The following ALPG variants were observed in gnomAD, a reference collection of about 807,000 sequenced individuals.
ALPG encodes the protein alkaline phosphatase, germ cell.
A neutral mutation model predicts 48.6 loss-of-function variants in ALPG; 32 were observed. The observed-to-expected ratio is 0.66, with a 90% CI of 0.50 to 0.88. The LOEUF is 0.88. Among genes scored for constraint, ALPG ranks in the 40% least tolerant of loss-of-function variants. The pLI, the probability that ALPG is intolerant of heterozygous loss-of-function variation, is 0.00. For synonymous variants in ALPG, 244 were observed against 308.9 expected (o/e 0.79, Z 2.20); for missense variants, 533 against 718.1 (o/e 0.74, Z 2.95).
In ALPG at chr2:232,410,157, C is replaced by G; in HGVS notation, c.*285C>G. On this transcript the variant is annotated 3_prime_UTR_variant, in exon 11 of 11. Transcript: ENST00000295453. ...AAAAGAGGAGGCTCAGACCATCCAG[C>G]CCCCGCCCATATCCTGAGGTGGATC... 1.8e-6 allele frequency: 1 copy of G among 555,104 alleles called. No homozygotes were observed. Among genetic ancestry groups the G allele is most frequent in the South Asian group, 2.2e-5 (1 of 44,858 alleles). 34.4% of individuals were successfully genotyped at this position (555,104 alleles called of 1,614,324 possible).
Position 232,406,870 on chromosome 2 carries a change from C to CG in ALPG, c.-24dup. The CG allele has an allele frequency of 6.2e-7, 1 of 1,600,822 alleles. No homozygotes were observed. Among genetic ancestry groups the CG allele is most frequent in the African/African-American group, 1.3e-5 (1 of 74,728 alleles). ...TACTCCATACCTGGGATTTCCGCCT[C>CG]GCCGCTCTCCGACTGCTTCCAGACA... On this transcript the variant is annotated 5_prime_UTR_variant, in exon 1 of 11. Transcript: ENST00000295453.
In ALPG at chr2:232,408,371, T is replaced by A. The variant is rs1697129206; in HGVS notation, c.753T>A (p.Asn251Lys). ...GTGGGACCAGGCTGGACGGGAAGAA[T>A]CTGGTGCAGGAATGGCTGGCGAAGC... ...SQGGTRLDGKNLVQEWLAKHQ... is the reference protein window; with the variant it reads ...SQGGTRLDGKKLVQEWLAKHQ... The change falls in exon 6 of 11, where the codon AAT becomes AAA. Residue 251 changes from asparagine (N) to lysine (K), a missense_variant. Around this residue, in one of 6 missense-constraint regions of ALPG, gnomAD observed 40 missense variants for 74.5 expected, o/e 0.54. Transcript: ENST00000295453. 6.2e-7 allele frequency: 1 copy of A among 1,606,444 alleles called. No individual in the cohort carries two copies. The highest frequency in any genetic ancestry group is 8.5e-7 in the Non-Finnish European group (1 of 1,176,520).
rs562795167 is a variant in ALPG at position 232,407,113 on chromosome 2, G to A, written c.124G>A (p.Ala42Thr). The A allele has an allele frequency of 1.5e-5, 24 of 1,613,910 alleles. No individual in the cohort carries two copies. The highest frequency in any genetic ancestry group is 8.3e-5 in the Admixed American group (5 of 60,008). The change falls in exon 2 of 11, where the codon GCC becomes ACC. Residue 42 changes from alanine (A) to threonine (T), a missense_variant. This residue lies in a region of ALPG where 315 missense variants were observed against 305.8 expected (regional missense o/e 1.03). Coordinates refer to ENST00000295453, the MANE Select transcript of ALPG (RefSeq NM_031313.3). ...CCAGGCAGCCGAGGCCCTGGGTGCC[G>A]CCAAGAAGCTGCAGCCTGCACAGAC... ...NRQAAEALGA[A>T]KKLQPAQTAA...
At position 232,409,877 on chromosome 2, in the gene ALPG, C is replaced by G. The variant is rs111875431; in HGVS notation, c.*5C>G. 23 of 1,555,554 alleles carry G rather than the reference C, an allele frequency of 1.5e-5. 2 individuals are homozygous for G. In the African/African-American group the frequency reaches 1.8e-4, roughly 12 times the overall value. On this transcript the variant is annotated 3_prime_UTR_variant, in exon 11 of 11. Coordinates refer to ENST00000295453, the MANE Select transcript of ALPG (RefSeq NM_031313.3). ...GGGACGGCCACTGCTCCCTGAGTGT[C>G]CCGTCCCTGGGGCTCCTGCTTCCCC...
rs143390241 is a variant in ALPG at position 232,408,381 on chromosome 2, G to C, written c.763G>C (p.Glu255Gln). ...GCTGGACGGGAAGAATCTGGTGCAG[G>C]AATGGCTGGCGAAGCACCAGGTGAT... Reference protein sequence around the residue: ...TRLDGKNLVQEWLAKHQGARY... With the variant: ...TRLDGKNLVQQWLAKHQGARY... Residue 255 changes from glutamate (E) to glutamine (Q), a missense_variant, in exon 6 of 11, where the codon GAA (glutamate) becomes CAA (glutamine). By Grantham distance (29) the Glu-to-Gln change is conservative. Transcript: ENST00000295453. The C allele has an allele frequency of 7.5e-6, 12 of 1,599,218 alleles. No individual in the cohort carries two copies. In the African/African-American group the frequency reaches 1.5e-4, roughly 20 times the overall value.
rs754089791 is a variant in ALPG, at chr2:232,408,577, A to T, written c.856+4A>T. On this transcript the variant is annotated splice_donor_region_variant and intron_variant, in intron 7 of 10. Transcript: ENST00000295453. The stretch of plus-strand genomic sequence containing the variant: ...CCGTCTGTGACCCATCTCATGGGTA[A>T]TGACCCCCTTCCTGCCCTGGCATCC... The T allele has an allele frequency of 6.4e-7, 1 of 1,555,498 alleles. No individual in the cohort carries two copies. The highest frequency in any genetic ancestry group is 8.8e-7 in the Non-Finnish European group (1 of 1,136,496).
chr2:232,408,435 AG>A, intron 6 of ALPG, 34 bp downstream of exon 6: 1 of 1,449,208 alleles, frequency 6.9e-7, no homozygotes, highest in Non-Finnish European at 9.5e-7. Flanking sequence ...TGGGCACAGC[AG>A]GGGGAGGGCA....
chr2:232,408,498 C>G lies in ALPG; in HGVS notation c.784-3C>G, dbSNP rs1197851705. The G allele has an allele frequency of 1.9e-6, 3 of 1,594,330 alleles. No homozygotes were observed. Among genetic ancestry groups the G allele is most frequent in the Admixed American group, 1.7e-5 (1 of 58,974 alleles). On this transcript the variant is annotated splice_region_variant and splice_polypyrimidine_tract_variant and intron_variant, in intron 6 of 10. Coordinates refer to ENST00000295453, the MANE Select transcript of ALPG (RefSeq NM_031313.3). Reference sequence around the variant, plus strand: ...TGAGGCCTGGCTCTCTCCCTCCCCGCAGGGTGCCCGGTACGTGTGGAACCG... The same window carrying G: ...TGAGGCCTGGCTCTCTCCCTCCCCGGAGGGTGCCCGGTACGTGTGGAACCG...
Position 232,408,011 on chromosome 2 carries a change from CA to C in ALPG, c.643del (p.Ile215LeufsTer3), listed in dbSNP as rs756185433. The C allele has an allele frequency of 5.0e-6, 8 of 1,609,652 alleles. No homozygotes were observed. In the South Asian group the frequency reaches 8.9e-5, roughly 18 times the overall value. ...IATQLISNMDIDVILGGGRKY... is the reference protein window; with the variant it reads ...IATQLISNMDXDVILGGGRKY... The stretch of plus-strand genomic sequence containing the variant: ...CCACGCAGCTCATCTCCAACATGGA[CA>C]TTGATGTGCGACCCCCGGGCCAAGG... On this transcript the variant is annotated frameshift_variant, in exon 5 of 11. Transcript: ENST00000295453. LOFTEE classifies it high-confidence loss of function.
rs201503000 is a variant in ALPG, at chr2:232,407,696, G to A, written c.403G>A (p.Ala135Thr). 1.8e-4 allele frequency: 292 copies of A among 1,613,716 alleles called. No individual in the cohort carries two copies. Among genetic ancestry groups the A allele is most frequent in the Middle Eastern group, 3.3e-4 (2 of 6,060 alleles). ...NFQTIGLSAA[A>T]RFNQCNTTRG... is the part of the protein sequence containing the mutation. Reference sequence around the variant, plus strand: ...CCAGACCATTGGCTTGAGTGCAGCCGCCCGCTTTAACCAGTGCAACACGAC... The same window carrying A: ...CCAGACCATTGGCTTGAGTGCAGCCACCCGCTTTAACCAGTGCAACACGAC... Residue 135 changes from alanine to threonine, a missense_variant, in exon 4 of 11, where the codon GCC (alanine) becomes ACC (threonine). Coordinates refer to ENST00000295453, the MANE Select transcript of ALPG (RefSeq NM_031313.3).
rs775880810 is a variant in ALPG, at chr2:232,407,884, A to G, written c.515A>G (p.His172Arg). ...GTGGTAACCACCACACGGGTGCAGC[A>G]TGCCTCGCCAGCCGGCGCCTACGCC... is the stretch of plus-strand genomic sequence containing the variant. ...VGVVTTTRVQ[H>R]ASPAGAYAHT... Residue 172 changes from histidine to arginine, a missense_variant, in exon 5 of 11, where the codon CAT becomes CGT. By Grantham distance (29) the His-to-Arg change is conservative. Coordinates refer to ENST00000295453, the MANE Select transcript of ALPG (RefSeq NM_031313.3). 1.2e-6 allele frequency: 2 copies of G among 1,613,488 alleles called. No individual in the cohort carries two copies. The highest frequency in any genetic ancestry group is 2.2e-5 in the South Asian group (2 of 90,988).
In ALPG at chr2:232,406,872, C is replaced by A. The variant is rs568548063; in HGVS notation, c.-23C>A. The stretch of plus-strand genomic sequence containing the variant: ...CTCCATACCTGGGATTTCCGCCTCG[C>A]CGCTCTCCGACTGCTTCCAGACATG... On this transcript the variant is annotated 5_prime_UTR_variant, in exon 1 of 11. Transcript: ENST00000295453. 16 of 1,602,380 alleles carry A rather than the reference C, an allele frequency of 1.0e-5. No individual in the cohort carries two copies. The South Asian group carries it at 1.7e-4, about 17-fold the overall frequency.
chr2:232,409,626 C>T lies in ALPG; in HGVS notation c.1353C>T (p.His451=), dbSNP rs759968819. The change falls in exon 11 of 11, where the codon CAC becomes CAT. Residue 451 remains histidine (H), a synonymous_variant. Transcript: ENST00000295453. ...QSAVPLDGET[H]AGEDVAVFAR... ...CAGTGCCCCTGGACGGAGAGACCCA[C>T]GCAGGCGAGGACGTGGCGGTGTTCG... The T allele has an allele frequency of 5.6e-6, 9 of 1,612,686 alleles. No homozygotes were observed. The highest frequency in any genetic ancestry group is 5.5e-5 in the South Asian group (5 of 90,956).
intron 3 of ALPG, 40 bp from the exon 4 acceptor site, chr2:232,407,554 G>A: frequency 6.2e-7 from 1 of 1,612,050 alleles, no homozygotes; most frequent in Non-Finnish European, 8.5e-7. Flanking sequence ...GGTCTTGTTT[G>A]TCTGCCCCAG....
In ALPG at chr2:232,407,294, G is replaced by T. The variant is rs1419048902; in HGVS notation, c.193G>T (p.Val65Leu). The stretch of plus-strand genomic sequence containing the variant: ...CACTTCTGCTCCTTCAGGGATGGGG[G>T]TGTCTACGGTGACAGCTGCCAGGAT... ...LIIFLGDGMG[V>L]STVTAARILK... The change falls in exon 3 of 11, where the codon GTG (valine) becomes TTG (leucine). Residue 65 changes from valine (V) to leucine (L), a missense_variant. Transcript: ENST00000295453. 10 of 1,613,894 alleles carry T rather than the reference G, an allele frequency of 6.2e-6. No individual in the cohort carries two copies. The highest frequency in any genetic ancestry group is 1.3e-5 in the African/African-American group (1 of 74,926).
Position 232,408,496 on chromosome 2 carries a change from C to G in ALPG, c.784-5C>G, listed in dbSNP as rs757038200. On this transcript the variant is annotated splice_region_variant and splice_polypyrimidine_tract_variant and intron_variant, in intron 6 of 10. Coordinates refer to ENST00000295453, the MANE Select transcript of ALPG (RefSeq NM_031313.3). Reference sequence around the variant, plus strand: ...GCTGAGGCCTGGCTCTCTCCCTCCCCGCAGGGTGCCCGGTACGTGTGGAAC... The same window carrying G: ...GCTGAGGCCTGGCTCTCTCCCTCCCGGCAGGGTGCCCGGTACGTGTGGAAC... The G allele has an allele frequency of 3.8e-6, 6 of 1,593,600 alleles. No individual in the cohort carries two copies. The highest frequency in any genetic ancestry group is 5.1e-6 in the Non-Finnish European group (6 of 1,167,884).
Position 232,410,044 on chromosome 2 carries a change from C to T in ALPG, c.*172C>T. ...ACCCTGGGGACCGAGCCCTTGACACCACGCCCTTTGCTTTATCTTGCTCTT... is the reference window on the plus strand; with the variant it reads ...ACCCTGGGGACCGAGCCCTTGACACTACGCCCTTTGCTTTATCTTGCTCTT... On this transcript the variant is annotated 3_prime_UTR_variant, in exon 11 of 11. Coordinates refer to ENST00000295453, the MANE Select transcript of ALPG (RefSeq NM_031313.3). The T allele has an allele frequency of 9.5e-7, 1 of 1,051,754 alleles. No homozygotes were observed. Among genetic ancestry groups the T allele is most frequent in the Admixed American group, 2.9e-5 (1 of 33,996 alleles). 65.2% of individuals were successfully genotyped at this position (1,051,754 alleles called of 1,614,324 possible).
At position 232,406,915 on chromosome 2, in the gene ALPG, GCTC is replaced by G. The variant is rs760119804; in HGVS notation, c.24_26del (p.Leu10del). 11 of 1,612,620 alleles carry G rather than the reference GCTC, an allele frequency of 6.8e-6. No individual in the cohort carries two copies. The South Asian group carries it at 9.9e-5, about 15-fold the overall frequency. On this transcript the variant is annotated inframe_deletion, in exon 1 of 11. Transcript: ENST00000295453. ...CAGACATGCAGGGGCCCTGGGTGCT[GCTC>G]CTGCTGGGCCTGAGGCTACAGCTCT...
Position 232,406,873 on chromosome 2 carries a change from C to G in ALPG, c.-22C>G, listed in dbSNP as rs368542958. 2.5e-6 allele frequency: 4 copies of G among 1,602,672 alleles called. No individual in the cohort carries two copies. Among genetic ancestry groups the G allele is most frequent in the Non-Finnish European group, 3.4e-6 (4 of 1,175,534 alleles). On this transcript the variant is annotated 5_prime_UTR_variant, in exon 1 of 11. Coordinates refer to ENST00000295453, the MANE Select transcript of ALPG (RefSeq NM_031313.3). ...TCCATACCTGGGATTTCCGCCTCGCCGCTCTCCGACTGCTTCCAGACATGC... is the reference window on the plus strand; with the variant it reads ...TCCATACCTGGGATTTCCGCCTCGCGGCTCTCCGACTGCTTCCAGACATGC...
Sources: allele counts gnomAD v4.1 joint callset, GRCh38; gene constraint gnomAD v4.1.1; regional missense constraint gnomAD v4.1.1; transcripts MANE v1.5; gene names NCBI Gene and HGNC (gene_info 2026-07-23, HGNC 2026-07-21).